The following FNDC3B variants were observed in gnomAD, a reference collection of about 807,000 sequenced individuals.
FNDC3B encodes the protein fibronectin type III domain containing 3B, also known as fibronectin type III domain-containing protein 3B.
FNDC3B carries 12 observed loss-of-function variants against 151.5 expected under a neutral mutation model. The ratio of observed to expected loss-of-function variants is 0.08; its 90% CI spans 0.05 to 0.13. The LOEUF is 0.13. Among genes scored for constraint, FNDC3B ranks in the 10% least tolerant of loss-of-function variants. The probability of loss-of-function intolerance (pLI) is 1.00; values close to 1 mark genes in which losing one functional copy is unlikely to be tolerated. For synonymous variants in FNDC3B, 528 were observed against 549.0 expected (o/e 0.96, Z 0.54); for missense variants, 1,214 against 1,505.3 (o/e 0.81, Z 3.20).
intron 23 of FNDC3B, among the ~76,000 whole-genome samples, chr3:172,377,875 G>T (rs1376540489): frequency 6.6e-6 from 1 of 152,168 alleles, no homozygotes; most frequent in Non-Finnish European, 1.5e-5. Context: ...TTATTTCTCA[G>T]GTGTCCTGTT....
intron 11 of FNDC3B, 112 bp from the exon 12 acceptor site, chr3:172,328,840 C>G (rs1732485947): frequency 1.2e-6 from 1 of 802,144 alleles, no homozygotes; most frequent in Non-Finnish European, 1.8e-6. Context: ...TTCATTCAAA[C>G]TAGGAAATTA....
At chr3:172,299,401 C>T (rs530116385) in intron 9 of FNDC3B, among the ~76,000 whole-genome samples, 18 of 152,214 alleles carry the variant, frequency 1.2e-4, no homozygotes, top group African/African-American at 4.1e-4. Context: ...AGAAACCCAG[C>T]CAACCACAGA....
chr3:172,381,067 G>A lies in FNDC3B; in HGVS notation c.3277G>A (p.Val1093Ile), dbSNP rs747490347. The stretch of plus-strand genomic sequence containing the variant: ...TGTTAACTACATTCTGCAGGTATTG[G>A]TTGGAAGAGAATCTGAGTACAAACA... ...DPVNYILQVL[V>I]GRESEYKQVY... Residue 1093 changes from valine (V) to isoleucine (I), a missense_variant, in exon 25 of 26, where the codon GTT (valine) becomes ATT (isoleucine). This residue lies in a region of FNDC3B where 284 missense variants were observed against 392.4 expected (regional missense o/e 0.72). Coordinates refer to ENST00000415807, the MANE Select transcript of FNDC3B (RefSeq NM_022763.4). The A allele has an allele frequency of 6.2e-7, 1 of 1,613,716 alleles. No homozygotes were observed. Among genetic ancestry groups the A allele is most frequent in the South Asian group, 1.1e-5 (1 of 91,078 alleles).
intron 3 of FNDC3B, among the ~76,000 whole-genome samples, chr3:172,152,664 T>C (rs891619901): frequency 2.0e-5 from 3 of 149,498 alleles, no homozygotes; most frequent in Admixed American, 6.7e-5. Flanking sequence ...CTTCCCCTGA[T>C]AGCAGAGGGG....
intron 2 of FNDC3B, among the ~76,000 whole-genome samples, chr3:172,124,591 G>A (rs145437338): frequency 1.2e-4 from 18 of 152,366 alleles, no homozygotes; most frequent in Admixed American, 1.2e-3. Flanking sequence ...AAAACTGTAT[G>A]AAAGGTCAGA....
chr3:172,259,389 G>T (rs1200871961), intron 6 of FNDC3B, among the ~76,000 whole-genome samples: 2 of 152,160 alleles, frequency 1.3e-5, no homozygotes, highest in African/African-American at 2.4e-5. Context: ...AGTTATAGAG[G>T]CCTCTGAGTG....
At chr3:172,370,938 C>T (rs1734851139) in intron 23 of FNDC3B, among the ~76,000 whole-genome samples, 1 of 152,172 alleles carries the variant, frequency 6.6e-6, no homozygotes, top group Non-Finnish European at 1.5e-5. Flanking sequence ...AGCTGATGAA[C>T]AGACATTGGC....
intron 10 of FNDC3B, among the ~76,000 whole-genome samples, chr3:172,307,955 T>G (rs546116660): frequency 5.9e-5 from 9 of 152,334 alleles, no homozygotes; most frequent in African/African-American, 1.7e-4. Context: ...TACCTACATC[T>G]TATCACTTTC....
intron 6 of FNDC3B, among the ~76,000 whole-genome samples, chr3:172,265,661 A>T (rs1728890833): frequency 6.6e-6 from 1 of 152,174 alleles, no homozygotes; most frequent in South Asian, 2.1e-4. Flanking sequence ...GTTCCTGGAA[A>T]ATTACTTTTA....
At chr3:172,344,029 C>T in intron 18 of FNDC3B, 57 bp from the exon 19 acceptor site, 4 of 1,523,366 alleles carry the variant, frequency 2.6e-6, no homozygotes, top group Non-Finnish European at 3.6e-6. Flanking sequence ...ATCTGGTGCA[C>T]TTTGGTCAAC....
At chr3:172,139,176 CT>C (rs530721368) in intron 3 of FNDC3B, among the ~76,000 whole-genome samples, 1 of 151,874 alleles carries the variant, frequency 6.6e-6, no homozygotes, top group African/African-American at 2.4e-5. Flanking sequence ...CTTAACGTTG[CT>C]TTTTTTTCCT....
rs547198646 is a variant in FNDC3B at position 172,263,702 on chromosome 3, A to G, written c.790+12161A>G. ...GTACTTGTAGACAGTTTTCAATTTG[A>G]AAACTATATCTTCATTTCATTGAAG... is the stretch of plus-strand genomic sequence containing the variant. On this transcript the variant is annotated intron_variant, in intron 6 of 25. Coordinates refer to ENST00000415807, the MANE Select transcript of FNDC3B (RefSeq NM_022763.4). Among the ~76,000 whole-genome samples, 4 of 149,746 alleles carry G rather than the reference A, an allele frequency of 2.7e-5. No homozygotes were observed. The East Asian group carries it at 8.3e-4, about 31-fold the overall frequency.
chr3:172,265,603 A>T (rs1728888189), intron 6 of FNDC3B, among the ~76,000 whole-genome samples: 1 of 152,218 alleles, frequency 6.6e-6, no homozygotes, highest in Non-Finnish European at 1.5e-5. Flanking sequence ...ACAATTGGTA[A>T]TTATAGGTGA....
chr3:172,244,878 G>A (rs944422859), intron 4 of FNDC3B, among the ~76,000 whole-genome samples: 3 of 151,824 alleles, frequency 2.0e-5, no homozygotes, highest in Non-Finnish European at 4.4e-5. Context: ...CACCTGCCTC[G>A]GCCTCCCAAA....
rs73029397 is a variant in FNDC3B, at chr3:172,277,176, T to C, written c.791-8750T>C. ...TATAAGTAGAGATCAAATGTGAGCA[T>C]GCAAATGTAGCAAAATGTTAATAAG... On this transcript the variant is annotated intron_variant, in intron 6 of 25. Coordinates refer to ENST00000415807, the MANE Select transcript of FNDC3B (RefSeq NM_022763.4). Among the ~76,000 whole-genome samples the C allele has an allele frequency of 7.3e-3, 1,118 of 152,320 alleles. 16 individuals carry two copies. The highest frequency in any genetic ancestry group is 0.026 in the African/African-American group (1,072 of 41,558).
chr3:172,156,725 C>T (rs1722506609), intron 3 of FNDC3B, among the ~76,000 whole-genome samples: 1 of 147,960 alleles, frequency 6.8e-6, no homozygotes, highest in Non-Finnish European at 1.5e-5. Flanking sequence ...CCACTGTCTG[C>T]TCTCTAAAGC....
chr3:172,393,793 A>T (rs912201421), intron 25 of FNDC3B, among the ~76,000 whole-genome samples: 51 of 152,264 alleles, frequency 3.3e-4, no homozygotes, highest in African/African-American at 1.2e-3. Flanking sequence ...TTTGAGGCAA[A>T]TGGAAACACA....
At chr3:172,084,470 T>TACACAC (rs774135456) in intron 1 of FNDC3B, among the ~76,000 whole-genome samples, 19 of 46,568 alleles carry the variant, frequency 4.1e-4, no homozygotes, top group Non-Finnish European at 8.0e-4. Flanking sequence ...TATGTATATG[T>TACACAC]ATACACACAC....
At chr3:172,087,653 T>C (rs1458765784) in intron 1 of FNDC3B, among the ~76,000 whole-genome samples, 1 of 152,188 alleles carries the variant, frequency 6.6e-6, no homozygotes, top group African/African-American at 2.4e-5. Flanking sequence ...CAAATTTCAT[T>C]GCAAATTTTA....
Sources: gnomAD v4.1 joint callset for allele counts (sites outside exome capture counted in the v4.1 genomes callset) on GRCh38, gnomAD v4.1.1 for gene constraint, gnomAD v4.1.1 regional missense constraint, MANE v1.5 for transcripts, NCBI Gene and HGNC (gene_info 2026-07-23, HGNC 2026-07-21) for gene names.